The following WWP2 variants were observed in gnomAD, a reference collection of about 807,000 sequenced individuals.
The protein encoded by WWP2 is NEDD4-like E3 ubiquitin-protein ligase WWP2.
A neutral mutation model predicts 121.0 loss-of-function variants in WWP2; 57 were observed. The ratio of observed to expected loss-of-function variants is 0.47; its 90% CI spans 0.38 to 0.59. The LOEUF is 0.59. WWP2 is among the 20% of genes least tolerant of loss of function. The pLI, the probability that WWP2 is intolerant of heterozygous loss-of-function variation, is 0.00. For synonymous variants in WWP2, 449 were observed against 441.3 expected, an observed-to-expected ratio of 1.02 and a Z score of -0.22; for missense variants, 962 against 1,158.9, an observed-to-expected ratio of 0.83 and a Z score of 2.47.
At chr16:69,916,589 G>T (rs2058482388) in intron 9 of WWP2, among the ~76,000 whole-genome samples, 1 of 152,144 alleles carries the variant, frequency 6.6e-6, no homozygotes. Context: ...GAAAGTCAGT[G>T]GCAGGGAGAC....
chr16:69,825,538 T>G (rs1354763111), intron 4 of WWP2, among the ~76,000 whole-genome samples: 5 of 152,038 alleles, frequency 3.3e-5, no homozygotes, highest in African/African-American at 1.2e-4. Flanking sequence ...GTATTTGAAT[T>G]TTTTTGATGA....
rs1466005041 is a variant in WWP2 at position 69,799,659 on chromosome 16, C to T, written c.340+364C>T. 6.6e-6 allele frequency among the ~76,000 whole-genome samples: 1 copy of T among 152,150 alleles called. No homozygotes were observed. Among genetic ancestry groups the T allele is most frequent in the Admixed American group, 6.5e-5 (1 of 15,270 alleles). ...AATCATTGCTTTTCTAGCCTCAGCC[C>T]TAAAACAGAACAAAGGAGCTGTGTG... is the stretch of plus-strand genomic sequence containing the variant. On this transcript the variant is annotated intron_variant, in intron 4 of 23. Transcript: ENST00000359154. This position sits in a 1 kb window ranked among gnomAD's most constrained non-coding sequence, Gnocchi z 4.5.
intron 6 of WWP2, among the ~76,000 whole-genome samples, chr16:69,865,151 G>A (rs928197518): frequency 3.6e-4 from 55 of 151,954 alleles, no homozygotes; most frequent in Non-Finnish European, 6.6e-4. Context: ...CCAAGCTCAA[G>A]CCATCCTCCT....
intron 6 of WWP2, among the ~76,000 whole-genome samples, chr16:69,862,759 G>GCCCAGGATA (rs1186083481): frequency 3.1e-5 from 3 of 98,352 alleles, no homozygotes; most frequent in African/African-American, 4.1e-5. Context: ...TTGCTCTATT[G>GCCCAGGATA]CCCAGGATAG....
chr16:69,854,033 C>T (rs2057266349), intron 6 of WWP2, among the ~76,000 whole-genome samples: 2 of 152,168 alleles, frequency 1.3e-5, no homozygotes, highest in Admixed American at 6.6e-5. Flanking sequence ...AGAGAAACAT[C>T]GTATTCCTGA....
chr16:69,772,484 A>C (rs2055438110), intron 1 of WWP2, among the ~76,000 whole-genome samples: 1 of 152,168 alleles, frequency 6.6e-6, no homozygotes, highest in South Asian at 2.1e-4. Flanking sequence ...TAGTAGAAGA[A>C]AACAGCTTTA....
chr16:69,875,931 C>G (rs2151922365), intron 7 of WWP2, among the ~76,000 whole-genome samples: 1 of 152,086 alleles, frequency 6.6e-6, no homozygotes, highest in East Asian at 1.9e-4. Context: ...AATGGTGAGT[C>G]CTTTTTAGTT....
At chr16:69,766,481 C>T (rs1314732900) in intron 1 of WWP2, among the ~76,000 whole-genome samples, 1 of 152,140 alleles carries the variant, frequency 6.6e-6, no homozygotes, top group Non-Finnish European at 1.5e-5. Context: ...AACCAATACC[C>T]TACAATGGCC....
intron 6 of WWP2, among the ~76,000 whole-genome samples, chr16:69,866,346 G>C (rs2057524997): frequency 6.6e-6 from 1 of 151,052 alleles, no homozygotes; most frequent in African/African-American, 2.4e-5. Context: ...TACATTGCCT[G>C]GGCCAGTCTC....
intron 9 of WWP2, chr16:69,910,025 T>C (rs2058356591): frequency 6.5e-6 from 1 of 152,942 alleles, no homozygotes; most frequent in African/African-American, 2.4e-5. Context: ...ATTGGCAGAG[T>C]TGAGTAATTG....
intron 8 of WWP2, among the ~76,000 whole-genome samples, chr16:69,902,805 A>G (rs1187367263): frequency 1.3e-5 from 2 of 152,150 alleles, no homozygotes; most frequent in African/African-American, 2.4e-5. Flanking sequence ...GTCAGCGGCC[A>G]CTGAGGAGGA....
intron 6 of WWP2, among the ~76,000 whole-genome samples, chr16:69,862,066 T>TTTTG (rs1208178654): frequency 6.6e-6 from 1 of 152,086 alleles, no homozygotes; most frequent in Non-Finnish European, 1.5e-5. Flanking sequence ...GGTTGTTTTG[T>TTTTG]TTTGTTTGTT....
chr16:69,877,778 C>A (rs898468859), intron 7 of WWP2, among the ~76,000 whole-genome samples: 5 of 152,026 alleles, frequency 3.3e-5, no homozygotes, highest in Non-Finnish European at 7.4e-5. Flanking sequence ...TCAGAACACA[C>A]ACAATATTTA....
rs534185309 is a variant in WWP2, at chr16:69,813,348, G to C, written c.340+14053G>C. Among the ~76,000 whole-genome samples the C allele has an allele frequency of 2.0e-5, 3 of 152,284 alleles. No individual in the cohort carries two copies. The South Asian group carries it at 6.2e-4, about 32-fold the overall frequency. On this transcript the variant is annotated intron_variant, in intron 4 of 23. Coordinates refer to ENST00000359154, the MANE Select transcript of WWP2 (RefSeq NM_001270454.2). ...CAGCTAATTTTATATTTTTAGTGGA[G>C]ATGGGGTTTCTCCATGTTGGTCAGG...
At chr16:69,807,889 A>G (rs1317678197) in intron 4 of WWP2, among the ~76,000 whole-genome samples, 3 of 151,034 alleles carry the variant, frequency 2.0e-5, no homozygotes, top group African/African-American at 7.3e-5. Flanking sequence ...AGTCTGGGAG[A>G]TAGAGGCTGC....
intron 6 of WWP2, among the ~76,000 whole-genome samples, chr16:69,849,982 G>A (rs762251119): frequency 7.9e-5 from 12 of 152,184 alleles, no homozygotes; most frequent in Non-Finnish European, 1.6e-4. Flanking sequence ...TGTGGCATGC[G>A]CCAGAAAGCT....
rs2151768313 is a variant in WWP2 at position 69,771,566 on chromosome 16, G to A, written c.-16+9175G>A. Reference sequence around the variant, plus strand: ...CTGAAGGACTGTAGCTTTGTAGTAAGTTTTAAAATTGGAAAGTGTTAGTCA... The same window carrying A: ...CTGAAGGACTGTAGCTTTGTAGTAAATTTTAAAATTGGAAAGTGTTAGTCA... On this transcript the variant is annotated intron_variant, in intron 1 of 23. Transcript: ENST00000359154. 1.3e-5 allele frequency among the ~76,000 whole-genome samples: 2 copies of A among 152,286 alleles called. 1 individual carries two copies. Among genetic ancestry groups the A allele is most frequent in the South Asian group, 4.1e-4 (2 of 4,828 alleles).
At chr16:69,873,532 C>G (rs185001968) in intron 7 of WWP2, among the ~76,000 whole-genome samples, 15 of 152,356 alleles carry the variant, frequency 9.8e-5, no homozygotes, top group Non-Finnish European at 2.1e-4. Context: ...GTGCCACCCA[C>G]TGTATCCTTG....
intron 4 of WWP2, among the ~76,000 whole-genome samples, chr16:69,825,061 C>G (rs1390932550): frequency 6.6e-6 from 1 of 152,072 alleles, no homozygotes; most frequent in Non-Finnish European, 1.5e-5. Context: ...TGTGCTCGGC[C>G]TTGCATCTGT....
Sources: allele counts gnomAD v4.1 joint callset (sites outside exome capture counted in the v4.1 genomes callset), GRCh38; gene constraint gnomAD v4.1.1; non-coding constraint Gnocchi (gnomAD v3.1); transcripts MANE v1.5; gene names NCBI Gene and HGNC (gene_info 2026-07-23, HGNC 2026-07-21).